THSD4: variants seen among roughly 807,000 people sequenced by gnomAD.
THSD4 encodes the protein thrombospondin type 1 domain containing 4, also known as thrombospondin type-1 domain-containing protein 4.
Under a neutral mutation model 119.0 loss-of-function variants are expected in THSD4, and 69 were observed. That is an observed-to-expected ratio of 0.58 (90% CI 0.48 to 0.71). The LOEUF (loss-of-function observed/expected upper bound fraction) is 0.71, where lower values mean the gene tolerates loss of function less well. Among genes scored for constraint, THSD4 ranks in the 30% least tolerant of loss-of-function variants. The pLI is 0.00. For synonymous variants in THSD4, 524 were observed against 540.4 expected, an observed-to-expected ratio of 0.97 and a Z score of 0.42; for missense variants, 1,393 against 1,391.1, an observed-to-expected ratio of 1.00 and a Z score of -0.02.
chr15:71,302,309 A>G (rs2044961833), intron 6 of THSD4, among the ~76,000 whole-genome samples: 1 of 152,148 alleles, frequency 6.6e-6, no homozygotes, highest in Non-Finnish European at 1.5e-5. Flanking sequence ...AGAGAAGACC[A>G]GGTCTGATAA....
chr15:71,434,174 C>T (rs1762121150), intron 7 of THSD4, among the ~76,000 whole-genome samples: 1 of 152,106 alleles, frequency 6.6e-6, no homozygotes, highest in Non-Finnish European at 1.5e-5. Flanking sequence ...CCTAAAAAAG[C>T]ATTTGGGCTT....
chr15:71,561,209 C>T (rs2049111171), intron 7 of THSD4, among the ~76,000 whole-genome samples: 2 of 151,972 alleles, frequency 1.3e-5, no homozygotes, highest in African/African-American at 2.4e-5. Context: ...CTCCTGACCT[C>T]GTGATCCACC....
At chr15:71,766,972 G>C (rs1055370175) in intron 16 of THSD4, 10 of 152,184 alleles carry the variant, frequency 6.6e-5, no homozygotes, top group African/African-American at 2.4e-4. Flanking sequence ...GCTGGAGGAT[G>C]GGGTGACCAC....
At chr15:71,197,898 G>A (rs1328024223) in intron 3 of THSD4, among the ~76,000 whole-genome samples, 1 of 152,176 alleles carries the variant, frequency 6.6e-6, no homozygotes, top group Admixed American at 6.5e-5. Context: ...ATTGGGGTAT[G>A]GGGATGGGGT....
intron 6 of THSD4, among the ~76,000 whole-genome samples, chr15:71,264,423 G>A (rs910358587): frequency 7.6e-4 from 116 of 152,300 alleles, no homozygotes; most frequent in Non-Finnish European, 9.1e-4. Flanking sequence ...GGGATACCTG[G>A]CAAGACTAGG....
intron 7 of THSD4, among the ~76,000 whole-genome samples, chr15:71,461,841 A>G (rs2047432414): frequency 6.6e-6 from 1 of 151,958 alleles, no homozygotes; most frequent in South Asian, 2.1e-4. Context: ...AAAGTTAAAC[A>G]AATAGATCAA....
At chr15:71,751,477 G>A (rs1040257012) in intron 14 of THSD4, among the ~76,000 whole-genome samples, 1 of 151,634 alleles carries the variant, frequency 6.6e-6, no homozygotes, top group African/African-American at 2.4e-5. Flanking sequence ...TTCCTCATAC[G>A]TATTTTAAAG....
chr15:71,332,061 T>G (rs1884512749), intron 6 of THSD4, among the ~76,000 whole-genome samples: 1 of 152,112 alleles, frequency 6.6e-6, no homozygotes, highest in Admixed American at 6.5e-5. Flanking sequence ...GGTCCTAGAT[T>G]GCCAAGGAGG....
chr15:71,387,038 T>C (rs1479035500), intron 6 of THSD4, among the ~76,000 whole-genome samples: 2 of 152,214 alleles, frequency 1.3e-5, no homozygotes, highest in African/African-American at 4.8e-5. Context: ...TTTTCTTTTC[T>C]GGTCTCTAGA....
chr15:71,273,583 G>C (rs958560857), intron 6 of THSD4, among the ~76,000 whole-genome samples: 1 of 152,054 alleles, frequency 6.6e-6, no homozygotes, highest in Non-Finnish European at 1.5e-5. Context: ...TGAGGGATAC[G>C]TTAATTAACC....
At chr15:71,548,838 T>C (rs1021286516) in intron 7 of THSD4, among the ~76,000 whole-genome samples, 1 of 152,228 alleles carries the variant, frequency 6.6e-6, no homozygotes, top group Non-Finnish European at 1.5e-5. Flanking sequence ...AGAGCTCATA[T>C]GGAAAATATT....
rs1381414534 is a variant in THSD4, at chr15:71,434,569, T to C, written c.1152+22746T>C. On this transcript the variant is annotated intron_variant, in intron 7 of 17. Coordinates refer to ENST00000261862, the MANE Select transcript of THSD4 (RefSeq NM_024817.3). ...GGGCAAAAGTAGTTGGAAGAATGAG[T>C]TGTAGAGGAGATAGTTTAGCGTGGA... is the stretch of plus-strand genomic sequence containing the variant. Among the ~76,000 whole-genome samples the C allele has an allele frequency of 2.0e-5, 3 of 150,894 alleles. No homozygotes were observed. In the Admixed American group the frequency reaches 2.0e-4, roughly 10 times the overall value.
chr15:71,227,303 C>A (rs941918278), intron 4 of THSD4, among the ~76,000 whole-genome samples: 1 of 152,238 alleles, frequency 6.6e-6, no homozygotes, highest in Non-Finnish European at 1.5e-5. Context: ...TCATTCATAA[C>A]TCTGGTTCCA....
intron 7 of THSD4, among the ~76,000 whole-genome samples, chr15:71,459,356 C>CTCTCTCTCTG (rs1555416101): frequency 5.0e-5 from 7 of 140,352 alleles, no homozygotes; most frequent in African/African-American, 1.3e-4. Context: ...GTCTCTCTCT[C>CTCTCTCTCTG]TCTCTCTGTC....
At chr15:71,167,834 A>G (rs2043308863) in intron 3 of THSD4, among the ~76,000 whole-genome samples, 1 of 152,226 alleles carries the variant, frequency 6.6e-6, no homozygotes, top group South Asian at 2.1e-4. Flanking sequence ...GTCCAACTTT[A>G]GCATATGGAA....
At chr15:71,111,369 G>T, upstream of THSD4, 3 of 1,613,644 alleles carry the variant, frequency 1.9e-6, no homozygotes, top group Non-Finnish European at 2.5e-6. Context: ...GTCAAGTAGA[G>T]AGTCAGCCCC....
chr15:71,656,318 C>T (rs1247384277), intron 7 of THSD4, among the ~76,000 whole-genome samples: 1 of 152,046 alleles, frequency 6.6e-6, no homozygotes, highest in Non-Finnish European at 1.5e-5. Context: ...GGGTGAAAGA[C>T]CACCGAAACT....
chr15:71,684,849 T>C (rs913676841), intron 8 of THSD4, among the ~76,000 whole-genome samples: 42 of 152,100 alleles, frequency 2.8e-4, no homozygotes, highest in African/African-American at 9.9e-4. Context: ...AACTCACCAA[T>C]AAAAAACATC....
At chr15:71,371,417 T>C (rs575371890) in intron 6 of THSD4, among the ~76,000 whole-genome samples, 2,972 of 152,296 alleles carry the variant, frequency 0.02, 36 homozygotes, top group South Asian at 0.036. Flanking sequence ...TGGCTGGTGC[T>C]GGTTGTTCCT....
Sources: gnomAD v4.1 joint callset for allele counts (sites outside exome capture counted in the v4.1 genomes callset) on GRCh38, gnomAD v4.1.1 for gene constraint, MANE v1.5 for transcripts, NCBI Gene and HGNC (gene_info 2026-07-23, HGNC 2026-07-21) for gene names.